The following HECW1 variants were observed in gnomAD, a reference collection of about 807,000 sequenced individuals.
The protein encoded by HECW1 is HECT, C2 and WW domain containing E3 ubiquitin protein ligase 1.
Under a neutral mutation model 182.3 loss-of-function variants are expected in HECW1, and 61 were observed. That is an observed-to-expected ratio of 0.33 (90% CI 0.27 to 0.41). The LOEUF (loss-of-function observed/expected upper bound fraction) is 0.41. Ranked by LOEUF, HECW1 falls within the 10% of genes least tolerant of loss-of-function variation. The probability of loss-of-function intolerance (pLI) is 1.00; values close to 1 mark genes in which losing one functional copy is unlikely to be tolerated. For missense variants in HECW1, 1,739 were observed against 2,108.9 expected (o/e 0.82, Z 3.44); for synonymous variants, 859 against 832.6 (o/e 1.03, Z -0.55).
At chr7:43,350,553 A>G (rs958513413) in intron 5 of HECW1, among the ~76,000 whole-genome samples, 1 of 151,968 alleles carries the variant, frequency 6.6e-6, no homozygotes, top group Non-Finnish European at 1.5e-5. Context: ...GGCTTTGTTC[A>G]TGTTTTCTTA....
chr7:43,223,280 T>C (rs1409272923), intron 2 of HECW1, among the ~76,000 whole-genome samples: 1 of 152,196 alleles, frequency 6.6e-6, no homozygotes, highest in Non-Finnish European at 1.5e-5. Flanking sequence ...ATCTGTCTCT[T>C]GTGCTTGCTC....
chr7:43,358,815 A>ATT (rs1815487457), intron 5 of HECW1, among the ~76,000 whole-genome samples: 1 of 131,184 alleles, frequency 7.6e-6, no homozygotes. Context: ...CTTAAAATAT[A>ATT]TTCTTTTTTT....
chr7:43,396,809 T>C lies in HECW1; in HGVS notation c.556-5T>C, dbSNP rs1315576089. 4.4e-6 allele frequency: 7 copies of C among 1,607,792 alleles called. No homozygotes were observed. The highest frequency in any genetic ancestry group is 1.7e-5 in the Admixed American group (1 of 59,996). On this transcript the variant is annotated splice_polypyrimidine_tract_variant and splice_region_variant and intron_variant, in intron 6 of 29. Coordinates refer to ENST00000395891, the MANE Select transcript of HECW1 (RefSeq NM_015052.5). The stretch of plus-strand genomic sequence containing the variant: ...GTTTGTCTCCCATTTTCCTTCTTTT[T>C]ACAGATTTTTAAAAGCATTGGTGCT...
At chr7:43,232,396 A>G (rs777781088) in intron 2 of HECW1, among the ~76,000 whole-genome samples, 11 of 152,172 alleles carry the variant, frequency 7.2e-5, no homozygotes, top group Non-Finnish European at 1.3e-4. Flanking sequence ...GAAGAGTAGA[A>G]ATGGAGGCTG....
chr7:43,170,415 G>T (rs1025989688), intron 2 of HECW1, among the ~76,000 whole-genome samples: 1 of 152,164 alleles, frequency 6.6e-6, no homozygotes, highest in Non-Finnish European at 1.5e-5. Flanking sequence ...GTCCCAAAAA[G>T]GTTGGAGACC....
At chr7:43,126,788 T>C (rs748272758) in intron 2 of HECW1, among the ~76,000 whole-genome samples, 2 of 152,226 alleles carry the variant, frequency 1.3e-5, no homozygotes, top group Non-Finnish European at 2.9e-5. Context: ...TTATGATATC[T>C]GTTATGGTGA....
chr7:43,296,996 G>A (rs1411132907), intron 3 of HECW1, among the ~76,000 whole-genome samples: 1 of 152,226 alleles, frequency 6.6e-6, no homozygotes, highest in Non-Finnish European at 1.5e-5. Flanking sequence ...TTGCCTGCTG[G>A]TCAGAACCAG....
chr7:43,120,356 G>A (rs1308909656), intron 2 of HECW1, among the ~76,000 whole-genome samples: 3 of 152,032 alleles, frequency 2.0e-5, no homozygotes, highest in Admixed American at 6.6e-5. Context: ...TCTTCCATCT[G>A]CTTGTTTGCT....
At chr7:43,511,927 G>T (rs767270539) in intron 24 of HECW1, 1 of 191,146 alleles carries the variant, frequency 5.2e-6, no homozygotes, top group African/African-American at 2.3e-5. Flanking sequence ...AAGACCTGTC[G>T]CTGTCATTTC....
chr7:43,496,986 G>T (rs1456197977), intron 19 of HECW1, among the ~76,000 whole-genome samples: 1 of 152,178 alleles, frequency 6.6e-6, no homozygotes, highest in Non-Finnish European at 1.5e-5. Context: ...TCTACTGAGG[G>T]AGACAGATAA....
At chr7:43,394,393 A>T (rs1255357502) in intron 6 of HECW1, among the ~76,000 whole-genome samples, 1 of 152,232 alleles carries the variant, frequency 6.6e-6, no homozygotes, top group East Asian at 1.9e-4. Flanking sequence ...CCAGGGATTT[A>T]TTCTAGGTCC....
At chr7:43,198,670 C>T (rs1278962484) in intron 2 of HECW1, among the ~76,000 whole-genome samples, 3 of 150,778 alleles carry the variant, frequency 2.0e-5, no homozygotes, top group Non-Finnish European at 4.4e-5. Flanking sequence ...CACCCCCACA[C>T]TCACACACAC....
At chr7:43,548,086 C>G (rs542598006) in intron 26 of HECW1, among the ~76,000 whole-genome samples, 19 of 152,230 alleles carry the variant, frequency 1.2e-4, no homozygotes, top group Non-Finnish European at 2.8e-4. Flanking sequence ...GTATTTGTCT[C>G]AACTGCCAGT....
At chr7:43,543,369 C>T (rs2081430707) in intron 26 of HECW1, among the ~76,000 whole-genome samples, 1 of 152,220 alleles carries the variant, frequency 6.6e-6, no homozygotes, top group South Asian at 2.1e-4. Context: ...AAAATGTCAA[C>T]ATTCTGTTGT....
intron 6 of HECW1, among the ~76,000 whole-genome samples, chr7:43,368,188 G>A (rs1816877755): frequency 6.6e-6 from 1 of 152,166 alleles, no homozygotes; most frequent in East Asian, 1.9e-4. Context: ...TGTGTAGCGG[G>A]GAGACAGACA....
chr7:43,472,694 G>T (rs1019333981), intron 16 of HECW1, among the ~76,000 whole-genome samples: 8 of 151,860 alleles, frequency 5.3e-5, no homozygotes, highest in Non-Finnish European at 1.2e-4. Context: ...TACAGTAAAG[G>T]TAATTAAAAT....
chr7:43,320,672 C>CTT lies in HECW1; in HGVS notation c.390_391insTT (p.Arg131PhefsTer37). 6.2e-7 allele frequency: 1 copy of CTT among 1,614,176 alleles called. No individual in the cohort carries two copies. The highest frequency in any genetic ancestry group is 8.5e-7 in the Non-Finnish European group (1 of 1,180,006). ...CCGAAAACTTTCTGGACTATAAAAA[C>CTT]CGTGGAGTCAATGGTTCTCATCGGG... On this transcript the variant is annotated frameshift_variant, in exon 5 of 30. Transcript: ENST00000395891. LOFTEE classifies it high-confidence loss of function.
chr7:43,304,459 G>GTTATTTATTTATTTAT (rs61241516), intron 3 of HECW1, among the ~76,000 whole-genome samples: 1 of 141,280 alleles, frequency 7.1e-6, no homozygotes, highest in Non-Finnish European at 1.5e-5. Flanking sequence ...ATTCAACACA[G>GTTATTTATTTATTTAT]TTATTTATTT....
At chr7:43,337,592 G>A (rs565169462) in intron 5 of HECW1, among the ~76,000 whole-genome samples, 2 of 152,286 alleles carry the variant, frequency 1.3e-5, no homozygotes, top group South Asian at 2.1e-4. Flanking sequence ...GTTACAGGAT[G>A]GTATGTGCAT....
Sources: gnomAD v4.1 joint callset for allele counts (sites outside exome capture counted in the v4.1 genomes callset) on GRCh38, gnomAD v4.1.1 for gene constraint, MANE v1.5 for transcripts, NCBI Gene and HGNC (gene_info 2026-07-23, HGNC 2026-07-21) for gene names.